Variants in SNRNP40 observed in about 807,000 individuals in gnomAD.
The protein encoded by SNRNP40 is U5 small nuclear ribonucleoprotein 40 kDa protein.
SNRNP40 carries 21 observed loss-of-function variants against 45.8 expected under a neutral mutation model. The ratio of observed to expected loss-of-function variants is 0.46; its 90% CI spans 0.32 to 0.66. The LOEUF is 0.66. SNRNP40 is among the 30% of genes least tolerant of loss of function. The pLI, the probability that SNRNP40 is intolerant of heterozygous loss-of-function variation, is 0.03. For missense variants in SNRNP40, 344 were observed against 439.1 expected (o/e 0.78, Z 1.94); for synonymous variants, 142 against 163.8 (o/e 0.87, Z 1.01).
chr1:31,284,770 A>G (rs140495275), intron 4 of SNRNP40, among the ~76,000 whole-genome samples: 102 of 152,230 alleles, frequency 6.7e-4, no homozygotes, highest in Admixed American at 2.2e-3. Flanking sequence ...CTTCCTCCCA[A>G]TTCTCATGGT....
intron 4 of SNRNP40, chr1:31,282,154 A>C (rs1324817034): frequency 6.6e-6 from 1 of 152,158 alleles, no homozygotes; most frequent in Non-Finnish European, 1.5e-5. Context: ...CCATATTCCC[A>C]GTATGGTTTC....
chr1:31,279,332 T>C (rs758449632), intron 5 of SNRNP40, among the ~76,000 whole-genome samples: 4 of 152,162 alleles, frequency 2.6e-5, no homozygotes, highest in Admixed American at 6.5e-5. Context: ...CGTGAGGAGG[T>C]CAATAGCAAA....
intron 6 of SNRNP40, among the ~76,000 whole-genome samples, chr1:31,270,524 T>C (rs930549464): frequency 2.0e-5 from 3 of 152,230 alleles, no homozygotes; most frequent in Admixed American, 6.5e-5. Context: ...ACTGAAGCTA[T>C]ACCTATAGTG....
chr1:31,265,879 T>C (rs1387316943), intron 8 of SNRNP40, among the ~76,000 whole-genome samples: 1 of 152,168 alleles, frequency 6.6e-6, no homozygotes, highest in Non-Finnish European at 1.5e-5. Context: ...ATACACTCTT[T>C]CTGCTGAAAA....
At chr1:31,275,928 T>C (rs1211898620) in intron 5 of SNRNP40, among the ~76,000 whole-genome samples, 2 of 152,176 alleles carry the variant, frequency 1.3e-5, no homozygotes, top group African/African-American at 4.8e-5. Flanking sequence ...GGAAATCTAT[T>C]CTAAGAAAAC....
intron 9 of SNRNP40, chr1:31,260,872 A>T: frequency 1.3e-6 from 1 of 742,332 alleles, no homozygotes; most frequent in South Asian, 2.7e-5. Context: ...TCAAAAAAAA[A>T]AAAAAAAAGT....
chr1:31,259,765 A>G lies in SNRNP40; in HGVS notation c.*307T>C. ...CATACAAGCCAGTTACAAAAAAAAA[A>G]AAAAAATCCCAACCAACAAATTTGT... On this transcript the variant is annotated 3_prime_UTR_variant, in exon 10 of 10. Transcript: ENST00000263694. 1 of 527,096 alleles carries G rather than the reference A, an allele frequency of 1.9e-6. No homozygotes were observed. Among genetic ancestry groups the G allele is most frequent in the Admixed American group, 2.6e-5 (1 of 38,576 alleles). 32.7% of individuals were successfully genotyped at this position (527,096 alleles called of 1,614,324 possible). A position where few individuals can be genotyped will look rare whatever the true frequency, so the allele number is the denominator to read the frequency against.
At chr1:31,288,551 A>G (rs1229174086) in intron 4 of SNRNP40, among the ~76,000 whole-genome samples, 2 of 152,212 alleles carry the variant, frequency 1.3e-5, no homozygotes, top group African/African-American at 4.8e-5. Context: ...TCAGGTGATG[A>G]TGATATAAAG....
chr1:31,289,516 T>C, intron 3 of SNRNP40, 97 bp from the exon 4 acceptor site: 1 of 1,105,992 alleles, frequency 9.0e-7, no homozygotes, highest in Non-Finnish European at 1.3e-6. Context: ...TTTTTCAAGA[T>C]CACTGACCTG....
Position 31,272,477 on chromosome 1 carries a change from A to G in SNRNP40, c.655-978T>C, listed in dbSNP as rs1442822202. 2.2e-4 allele frequency among the ~76,000 whole-genome samples: 34 copies of G among 152,246 alleles called. 1 individual carries two copies. The highest frequency in any genetic ancestry group is 2.2e-3 in the Admixed American group (34 of 15,280). On this transcript the variant is annotated intron_variant, in intron 5 of 9. Transcript: ENST00000263694. ...TCTCATACAGGAGATAGCATGACAG[A>G]GTAGAAAGAGTGGTGACTTAGGGTA...
intron 1 of SNRNP40, 52 bp downstream of exon 1, chr1:31,296,559 T>A: frequency 2.6e-6 from 4 of 1,564,186 alleles, no homozygotes; most frequent in Non-Finnish European, 3.5e-6. Context: ...TACAGCGCTC[T>A]GAGGGGAGGA....
chr1:31,271,488 C>T lies in SNRNP40; in HGVS notation c.666G>A (p.Leu222=), dbSNP rs775317299. Residue 222 remains leucine (L), a synonymous_variant, in exon 6 of 10, where the codon CTG becomes CTA. Coordinates refer to ENST00000263694, the MANE Select transcript of SNRNP40 (RefSeq NM_004814.3). ...TGGTGTAGGTTAGCTTGTTCTGGCG[C>T]AGGTCCCAGACCTGCAAAAACAGAA... is the stretch of plus-strand genomic sequence containing the variant. ...GIDNDIKVWD[L]RQNKLTYTMR... The T allele has an allele frequency of 1.2e-6, 2 of 1,612,846 alleles. No homozygotes were observed. Among genetic ancestry groups the T allele is most frequent in the Admixed American group, 3.4e-5 (2 of 59,648 alleles).
intron 6 of SNRNP40, 57 bp downstream of exon 6, chr1:31,271,322 T>C (rs112232387): frequency 3.8e-6 from 6 of 1,560,526 alleles, no homozygotes; most frequent in African/African-American, 1.4e-5. Flanking sequence ...ATGGAATCTG[T>C]GAGCAATCTT....
Position 31,259,927 on chromosome 1 carries a change from T to C in SNRNP40, c.*145A>G. The C allele has an allele frequency of 2.8e-6, 2 of 726,176 alleles. No homozygotes were observed. 45.0% of individuals were successfully genotyped at this position (726,176 alleles called of 1,614,324 possible). On this transcript the variant is annotated 3_prime_UTR_variant, in exon 10 of 10. Coordinates refer to ENST00000263694, the MANE Select transcript of SNRNP40 (RefSeq NM_004814.3). The stretch of plus-strand genomic sequence containing the variant: ...TGGTGAAATGGGACAGAAGTGGTTT[T>C]TGGAATATGGCCACCGCCTCCTGTT...
chr1:31,294,841 C>G (rs1456822703), intron 1 of SNRNP40, among the ~76,000 whole-genome samples: 2 of 151,286 alleles, frequency 1.3e-5, no homozygotes, highest in Non-Finnish European at 2.9e-5. Context: ...ACTCAGGAGG[C>G]TGAGGCAGGA....
At chr1:31,295,041 A>T (rs548964309) in intron 1 of SNRNP40, among the ~76,000 whole-genome samples, 2 of 152,068 alleles carry the variant, frequency 1.3e-5, no homozygotes, top group Non-Finnish European at 2.9e-5. Context: ...GGGGGAAGGG[A>T]GAAGGGAAGG....
intron 3 of SNRNP40, among the ~76,000 whole-genome samples, chr1:31,290,365 G>A (rs760366453): frequency 3.9e-5 from 6 of 152,074 alleles, no homozygotes; most frequent in Admixed American, 1.3e-4. Flanking sequence ...TGTATACAAT[G>A]CTATGTATCA....
chr1:31,282,540 T>G (rs2148387572), intron 4 of SNRNP40: 1 of 151,530 alleles, frequency 6.6e-6, no homozygotes, highest in East Asian at 1.9e-4. Flanking sequence ...GGGGACACAC[T>G]CTCCCTCTGT....
At chr1:31,283,106 T>C (rs1306598346) in intron 4 of SNRNP40, among the ~76,000 whole-genome samples, 1 of 152,164 alleles carries the variant, frequency 6.6e-6, no homozygotes. Flanking sequence ...TAAGGAGAGA[T>C]GTAAACTGCA....
Sources: gnomAD v4.1 joint callset for allele counts (sites outside exome capture counted in the v4.1 genomes callset) on GRCh38, gnomAD v4.1.1 for gene constraint, MANE v1.5 for transcripts, NCBI Gene and HGNC (gene_info 2026-07-23, HGNC 2026-07-21) for gene names.